EPHB1: variants seen among roughly 807,000 people sequenced by gnomAD.
EPHB1 encodes the protein EPH receptor B1.
A neutral mutation model predicts 94.4 loss-of-function variants in EPHB1; 30 were observed. The ratio of observed to expected loss-of-function variants is 0.32; its 90% CI spans 0.24 to 0.43. The LOEUF (loss-of-function observed/expected upper bound fraction) is 0.43, where lower values mean the gene tolerates loss of function less well. Ranked by LOEUF, EPHB1 falls within the 20% of genes least tolerant of loss-of-function variation. The probability of loss-of-function intolerance (pLI) is 1.00; values close to 1 mark genes in which losing one functional copy is unlikely to be tolerated. For missense variants in EPHB1, 1,055 were observed against 1,308.3 expected, an observed-to-expected ratio of 0.81 and a Z score of 2.99; for synonymous variants, 522 against 489.1, an observed-to-expected ratio of 1.07 and a Z score of -0.89.
At chr3:135,170,999 T>C (rs965038538) in intron 9 of EPHB1, among the ~76,000 whole-genome samples, 5 of 152,200 alleles carry the variant, frequency 3.3e-5, no homozygotes, top group South Asian at 2.1e-4. Context: ...AGACTTTAGA[T>C]TGGCAAACAC....
chr3:135,114,053 C>A (rs576196823), intron 4 of EPHB1, among the ~76,000 whole-genome samples: 36 of 152,342 alleles, frequency 2.4e-4, no homozygotes, highest in African/African-American at 8.2e-4. Flanking sequence ...CATGTGGCAG[C>A]CACTAAACAG....
In EPHB1 at chr3:134,795,552, C is replaced by T; in HGVS notation, c.-80C>T. The T allele has an allele frequency of 7.2e-7, 1 of 1,387,896 alleles. No homozygotes were observed. Among genetic ancestry groups the T allele is most frequent in the Non-Finnish European group, 1.0e-6 (1 of 1,003,232 alleles). The allele number at this position is 1,387,896 out of a possible 1,614,324, so 86.0% of individuals were successfully genotyped here. On this transcript the variant is annotated 5_prime_UTR_variant, in exon 1 of 16. Coordinates refer to ENST00000398015, the MANE Select transcript of EPHB1 (RefSeq NM_004441.5). ...ATACCGAGAAGCCACCCGCGGAGAGCGCAGCGGCGCCCTGGGACGCGGCGC... is the reference window on the plus strand; with the variant it reads ...ATACCGAGAAGCCACCCGCGGAGAGTGCAGCGGCGCCCTGGGACGCGGCGC...
intron 1 of EPHB1, among the ~76,000 whole-genome samples, chr3:134,877,018 A>G (rs1428661636): frequency 1.3e-5 from 2 of 152,134 alleles, no homozygotes; most frequent in Non-Finnish European, 1.5e-5. Flanking sequence ...CCTACACCCC[A>G]TGGGGCCTTG....
At chr3:135,211,192 A>G (rs1320485290) in intron 12 of EPHB1, among the ~76,000 whole-genome samples, 1 of 152,174 alleles carries the variant, frequency 6.6e-6, no homozygotes, top group Non-Finnish European at 1.5e-5. Flanking sequence ...AGACCACATA[A>G]TCATATCATA....
intron 4 of EPHB1, among the ~76,000 whole-genome samples, chr3:135,131,698 A>G (rs1004403019): frequency 4.6e-5 from 7 of 152,162 alleles, no homozygotes; most frequent in African/African-American, 1.7e-4. Context: ...AAGCACCAGG[A>G]TTTCCACAGT....
chr3:134,861,364 G>A (rs1393113917), intron 1 of EPHB1, among the ~76,000 whole-genome samples: 1 of 152,180 alleles, frequency 6.6e-6, no homozygotes, highest in East Asian at 1.9e-4. Flanking sequence ...GACAACCTTG[G>A]CAGGCCTGTT....
chr3:135,098,413 T>A (rs892120208), intron 3 of EPHB1, among the ~76,000 whole-genome samples: 1 of 152,192 alleles, frequency 6.6e-6, no homozygotes, highest in Non-Finnish European at 1.5e-5. Context: ...CACACTTTTA[T>A]AATATTTTTC....
chr3:134,934,441 G>A (rs1219463028), intron 2 of EPHB1, among the ~76,000 whole-genome samples: 1 of 152,110 alleles, frequency 6.6e-6, no homozygotes, highest in Non-Finnish European at 1.5e-5. Flanking sequence ...TGCGTGGGTG[G>A]ACCTACCTCA....
chr3:135,100,053 C>T (rs1938977073), intron 3 of EPHB1, among the ~76,000 whole-genome samples: 1 of 152,096 alleles, frequency 6.6e-6, no homozygotes, highest in African/African-American at 2.4e-5. Flanking sequence ...TGGCATGAAC[C>T]TTTGCAAACT....
At chr3:134,934,020 T>G (rs888663943) in intron 2 of EPHB1, among the ~76,000 whole-genome samples, 1 of 151,982 alleles carries the variant, frequency 6.6e-6, no homozygotes, top group Non-Finnish European at 1.5e-5. Context: ...CTATTCCCTC[T>G]TCAGGTAAAC....
At chr3:135,082,056 G>A (rs945638617) in intron 3 of EPHB1, among the ~76,000 whole-genome samples, 1 of 151,922 alleles carries the variant, frequency 6.6e-6, no homozygotes, top group Non-Finnish European at 1.5e-5. Flanking sequence ...TGAGTGATTG[G>A]CAGGGTAGGC....
At chr3:134,800,966 T>G (rs1217175643) in intron 1 of EPHB1, among the ~76,000 whole-genome samples, 1 of 152,188 alleles carries the variant, frequency 6.6e-6, no homozygotes, top group Non-Finnish European at 1.5e-5. Flanking sequence ...GGCTCTGTAG[T>G]CTATATTTTT....
At chr3:134,852,423 C>T (rs2037007830) in intron 1 of EPHB1, 1 of 152,166 alleles carries the variant, frequency 6.6e-6, no homozygotes, top group South Asian at 2.1e-4. Flanking sequence ...CTTATTCCTT[C>T]CTCTGCCCCA....
chr3:134,811,907 G>A (rs1410589333), intron 1 of EPHB1, among the ~76,000 whole-genome samples: 1 of 152,168 alleles, frequency 6.6e-6, no homozygotes, highest in Non-Finnish European at 1.5e-5. Flanking sequence ...TAGCCCTGCT[G>A]TTGGATATCC....
intron 1 of EPHB1, among the ~76,000 whole-genome samples, chr3:134,854,138 G>A (rs376542190): frequency 6.6e-6 from 1 of 152,166 alleles, no homozygotes; most frequent in African/African-American, 2.4e-5. Context: ...GGCATATGAC[G>A]GGTCTGGTAT....
chr3:134,919,414 GT>G (rs1271934128), intron 1 of EPHB1, among the ~76,000 whole-genome samples: 1 of 152,196 alleles, frequency 6.6e-6, no homozygotes, highest in Admixed American at 6.5e-5. Flanking sequence ...GCCCTTAACA[GT>G]TTACAGTCAA....
intron 1 of EPHB1, among the ~76,000 whole-genome samples, chr3:134,867,828 G>A (rs1275024920): frequency 6.6e-6 from 1 of 152,184 alleles, no homozygotes; most frequent in Non-Finnish European, 1.5e-5. Context: ...GGTCATTGAG[G>A]GAAATGCTGT....
At chr3:134,820,065 C>G (rs1257578818) in intron 1 of EPHB1, among the ~76,000 whole-genome samples, 1 of 152,002 alleles carries the variant, frequency 6.6e-6, no homozygotes, top group Non-Finnish European at 1.5e-5. Flanking sequence ...CCCTCACCCA[C>G]CCCTCCTGTC....
chr3:135,074,452 C>T (rs1937838756), intron 3 of EPHB1, among the ~76,000 whole-genome samples: 1 of 152,070 alleles, frequency 6.6e-6, no homozygotes, highest in African/African-American at 2.4e-5. Flanking sequence ...TGATTTTGTT[C>T]TAGGGTTAAT....
Sources: allele counts gnomAD v4.1 joint callset (sites outside exome capture counted in the v4.1 genomes callset), GRCh38; gene constraint gnomAD v4.1.1; transcripts MANE v1.5; gene names NCBI Gene and HGNC (gene_info 2026-07-23, HGNC 2026-07-21).